Variants in CNTNAP5 observed in about 807,000 individuals in gnomAD.
The protein encoded by CNTNAP5 is contactin-associated protein-like 5.
A neutral mutation model predicts 150.2 loss-of-function variants in CNTNAP5; 72 were observed. The observed-to-expected ratio is 0.48, with a 90% CI of 0.40 to 0.58. The LOEUF (loss-of-function observed/expected upper bound fraction) is 0.58. CNTNAP5 is among the 20% of genes least tolerant of loss of function. CNTNAP5 has a pLI of 0.00. For missense variants in CNTNAP5, 1,636 were observed against 1,626.2 expected (o/e 1.01, Z -0.10); for synonymous variants, 672 against 619.8 (o/e 1.08, Z -1.25).
chr2:124,588,922 T>A (rs1696615686), intron 11 of CNTNAP5, among the ~76,000 whole-genome samples: 1 of 151,988 alleles, frequency 6.6e-6, no homozygotes, highest in African/African-American at 2.4e-5. Flanking sequence ...ACAGGCCAAA[T>A]CAAGCAGACA....
intron 17 of CNTNAP5, among the ~76,000 whole-genome samples, chr2:124,786,523 G>GAGAA (rs1352589919): frequency 1.5e-5 from 2 of 137,702 alleles, no homozygotes; most frequent in Non-Finnish European, 3.1e-5. Context: ...AAGAAAGAAA[G>GAGAA]AGAAAGAAAG....
Position 124,571,527 on chromosome 2 carries a change from C to CTTTTTTTTTT in CNTNAP5, c.1756+8216_1756+8225dup, listed in dbSNP as rs1214169811. Among the ~76,000 whole-genome samples, 189 of 46,842 alleles carry CTTTTTTTTTT rather than the reference C, an allele frequency of 4.0e-3. 27 individuals carry two copies. The highest frequency in any genetic ancestry group is 0.012 in the East Asian group (25 of 2,058). The allele number at this position is 46,842 out of a possible 152,430, so 30.7% of individuals were successfully genotyped here. A position where few individuals can be genotyped will look rare whatever the true frequency, so the allele number is the denominator to read the frequency against. On this transcript the variant is annotated intron_variant, in intron 11 of 23. Transcript: ENST00000682447. ...CACTGAGTACTTTTTTTTCTTTTTT[C>CTTTTTTTTTT]TTTTTTTTTTTTTTTTTTTTTGAGA...
chr2:124,573,746 A>G (rs1458067738), intron 11 of CNTNAP5, among the ~76,000 whole-genome samples: 1 of 152,206 alleles, frequency 6.6e-6, no homozygotes, highest in South Asian at 2.1e-4. Flanking sequence ...ATGAAGACAC[A>G]GTTTTCATTT....
At chr2:124,664,643 C>T (rs1010144975) in intron 13 of CNTNAP5, among the ~76,000 whole-genome samples, 1 of 152,126 alleles carries the variant, frequency 6.6e-6, no homozygotes. Flanking sequence ...CAGCACATTG[C>T]CCTGAATGAA....
chr2:124,285,568 A>G (rs1688129964), intron 3 of CNTNAP5, among the ~76,000 whole-genome samples: 2 of 151,988 alleles, frequency 1.3e-5, no homozygotes, highest in Non-Finnish European at 2.9e-5. Context: ...GGGAAGCCGA[A>G]GAGGTTGGCT....
At chr2:124,659,070 C>T (rs1298090768) in intron 13 of CNTNAP5, among the ~76,000 whole-genome samples, 1 of 152,184 alleles carries the variant, frequency 6.6e-6, no homozygotes, top group Admixed American at 6.5e-5. Context: ...ATCTCTAAGC[C>T]TCAGTTTCCT....
At chr2:124,038,206 A>G (rs1342661816) in intron 1 of CNTNAP5, among the ~76,000 whole-genome samples, 2 of 152,244 alleles carry the variant, frequency 1.3e-5, no homozygotes, top group African/African-American at 2.4e-5. Context: ...TTGGTAGGCA[A>G]GGACCAGTGC....
intron 12 of CNTNAP5, among the ~76,000 whole-genome samples, chr2:124,641,273 C>T (rs1367088762): frequency 6.6e-6 from 1 of 151,938 alleles, no homozygotes; most frequent in African/African-American, 2.4e-5. Flanking sequence ...GAGGAGGAGA[C>T]TGAGGCTGGG....
rs139434841 is a variant in CNTNAP5, at chr2:124,117,438, C to T, written c.82+91706C>T. ...CAAGGCATATAGCATATGCTCCATA[C>T]ATTTGTGTAGAGATAATTCATTATC... is the stretch of plus-strand genomic sequence containing the variant. On this transcript the variant is annotated intron_variant, in intron 1 of 23. Transcript: ENST00000682447. Among the ~76,000 whole-genome samples, 1,220 of 152,214 alleles carry T rather than the reference C, an allele frequency of 8.0e-3. 75 individuals carry two copies. Among genetic ancestry groups the T allele is most frequent in the Admixed American group, 0.075 (1,150 of 15,280 alleles).
chr2:124,571,520 C>CTTTTTTCTTTTTCTTTTTCTCTT (rs1193560110), intron 11 of CNTNAP5, among the ~76,000 whole-genome samples: 6 of 53,522 alleles, frequency 1.1e-4, no homozygotes, highest in African/African-American at 1.9e-4. Flanking sequence ...ACTTTTTTTT[C>CTTTTTTCTTTTTCTTTTTCTCTT]TTTTTTCTTT....
intron 1 of CNTNAP5, among the ~76,000 whole-genome samples, chr2:124,082,564 G>T (rs945111569): frequency 6.6e-6 from 1 of 152,076 alleles, no homozygotes; most frequent in Non-Finnish European, 1.5e-5. Context: ...CCTATCAAAA[G>T]ATAATACATT....
At chr2:124,872,996 T>C (rs566275208) in intron 21 of CNTNAP5, among the ~76,000 whole-genome samples, 4 of 152,256 alleles carry the variant, frequency 2.6e-5, no homozygotes, top group Non-Finnish European at 4.4e-5. Flanking sequence ...GGAGGAATAC[T>C]GTATTAGTCC....
At chr2:124,855,455 G>A (rs1384684879) in intron 19 of CNTNAP5, among the ~76,000 whole-genome samples, 1 of 152,114 alleles carries the variant, frequency 6.6e-6, no homozygotes, top group Admixed American at 6.5e-5. Context: ...TTGCAGGCAT[G>A]AGCCATTGTG....
chr2:124,524,182 G>T (rs376171045), intron 8 of CNTNAP5, 121 bp from the exon 9 acceptor site: 2 of 852,094 alleles, frequency 2.3e-6, no homozygotes, highest in Non-Finnish European at 3.7e-6. Context: ...GTATCCAGCC[G>T]AGTGAGGAGT....
At chr2:124,354,048 A>G (rs1343546559) in intron 3 of CNTNAP5, among the ~76,000 whole-genome samples, 1 of 152,198 alleles carries the variant, frequency 6.6e-6, no homozygotes, top group Non-Finnish European at 1.5e-5. Flanking sequence ...AGAAGACTTG[A>G]CTATGATGAA....
chr2:124,871,508 G>A (rs959285691), intron 21 of CNTNAP5, among the ~76,000 whole-genome samples: 7 of 152,060 alleles, frequency 4.6e-5, no homozygotes, highest in African/African-American at 1.7e-4. Flanking sequence ...GAAATCAGCT[G>A]TAGTAGGAGG....
rs1237366894 is a variant in CNTNAP5 at position 124,914,965 on chromosome 2, T to C, written c.*677T>C. 3 of 152,190 alleles carry C rather than the reference T, an allele frequency of 2.0e-5. No homozygotes were observed. Among genetic ancestry groups the C allele is most frequent in the South Asian group, 4.1e-4 (2 of 4,832 alleles). 9.4% of individuals were successfully genotyped at this position (152,190 alleles called of 1,614,324 possible). A position where few individuals can be genotyped will look rare whatever the true frequency, so the allele number is the denominator to read the frequency against. On this transcript the variant is annotated 3_prime_UTR_variant, in exon 24 of 24. Transcript: ENST00000682447. ...ACCACTCTCTCCTGGGGCCGACACG[T>C]TGGGACAGCACACCATAGCATAAAG...
chr2:124,737,399 C>G (rs1680407332), intron 13 of CNTNAP5, among the ~76,000 whole-genome samples: 1 of 152,036 alleles, frequency 6.6e-6, no homozygotes, highest in Non-Finnish European at 1.5e-5. Flanking sequence ...AAGACATCAG[C>G]CTCTATGAAG....
intron 6 of CNTNAP5, among the ~76,000 whole-genome samples, chr2:124,468,803 C>T (rs1693438950): frequency 6.6e-6 from 1 of 152,172 alleles, no homozygotes; most frequent in African/African-American, 2.4e-5. Context: ...TCTTCTGGTC[C>T]TGGGGACCCT....
Sources: gnomAD v4.1 joint callset for allele counts (sites outside exome capture counted in the v4.1 genomes callset) on GRCh38, gnomAD v4.1.1 for gene constraint, MANE v1.5 for transcripts, NCBI Gene and HGNC (gene_info 2026-07-23, HGNC 2026-07-21) for gene names.